Variants in PPP3CA observed in about 807,000 individuals in gnomAD.
The protein encoded by PPP3CA is CAM-PRP catalytic subunit.
Under a neutral mutation model 66.5 loss-of-function variants are expected in PPP3CA, and 14 were observed. That is an observed-to-expected ratio of 0.21 (90% CI 0.14 to 0.33). The LOEUF is 0.33. Among genes scored for constraint, PPP3CA ranks in the 10% least tolerant of loss-of-function variants. PPP3CA has a pLI of 1.00. For missense variants in PPP3CA, 317 were observed against 639.5 expected (o/e 0.50, Z 5.44); for synonymous variants, 232 against 226.2 (o/e 1.03, Z -0.23).
chr4:101,116,768 A>T (rs1305685991), intron 2 of PPP3CA, among the ~76,000 whole-genome samples: 3 of 151,980 alleles, frequency 2.0e-5, no homozygotes, highest in African/African-American at 7.2e-5. Flanking sequence ...CTAAAGAGGT[A>T]TATTTCAAAA....
chr4:101,098,540 A>G, intron 4 of PPP3CA, 28 bp from the exon 5 acceptor site: 1 of 1,563,272 alleles, frequency 6.4e-7, no homozygotes, highest in Non-Finnish European at 8.7e-7. Flanking sequence ...AAGAATACTT[A>G]TGATTTATAG....
At chr4:101,096,787 C>T (rs1410877343) in intron 5 of PPP3CA, among the ~76,000 whole-genome samples, 1 of 152,124 alleles carries the variant, frequency 6.6e-6, no homozygotes, top group Admixed American at 6.6e-5. Flanking sequence ...TACATGGATA[C>T]ATGAATAGAT....
chr4:101,189,162 C>T (rs940159547), intron 2 of PPP3CA, among the ~76,000 whole-genome samples: 2 of 151,922 alleles, frequency 1.3e-5, no homozygotes, highest in Non-Finnish European at 2.9e-5. Flanking sequence ...AAGATAACTG[C>T]TATGTAAATG....
intron 1 of PPP3CA, among the ~76,000 whole-genome samples, chr4:101,289,849 A>G (rs1034812762): frequency 2.0e-5 from 3 of 150,434 alleles, no homozygotes; most frequent in Non-Finnish European, 4.4e-5. Flanking sequence ...CAATATCACT[A>G]TAATCCCAAA....
chr4:101,281,219 G>A (rs1727673332), intron 1 of PPP3CA, among the ~76,000 whole-genome samples: 1 of 152,224 alleles, frequency 6.6e-6, no homozygotes. Flanking sequence ...AAGGAAGAAT[G>A]GGAGAAGAGC....
chr4:101,087,678 T>A (rs1729730845), intron 6 of PPP3CA, among the ~76,000 whole-genome samples: 1 of 152,168 alleles, frequency 6.6e-6, no homozygotes, highest in Non-Finnish European at 1.5e-5. Context: ...TGTATTTAGT[T>A]GTATAAATAT....
At chr4:101,178,485 C>T (rs1724134736) in intron 2 of PPP3CA, among the ~76,000 whole-genome samples, 1 of 151,984 alleles carries the variant, frequency 6.6e-6, no homozygotes, top group Non-Finnish European at 1.5e-5. Context: ...ATAATGTATT[C>T]TATCTAACAA....
chr4:101,059,831 G>A (rs979776591), intron 10 of PPP3CA, among the ~76,000 whole-genome samples: 2 of 152,000 alleles, frequency 1.3e-5, no homozygotes, highest in African/African-American at 2.4e-5. Flanking sequence ...CAAAGAATAG[G>A]TTTTTAATGC....
intron 2 of PPP3CA, among the ~76,000 whole-genome samples, chr4:101,146,531 C>T (rs556035654): frequency 1.8e-3 from 268 of 152,182 alleles, no homozygotes; most frequent in Non-Finnish European, 2.4e-3. Flanking sequence ...CAACCTCCGC[C>T]TCCTGGGTTC....
In PPP3CA at chr4:101,063,983, C is replaced by G. The variant is rs1350932906; in HGVS notation, c.956-626G>C. ...ATCATTTAGTTGTATTTGGAACATT[C>G]AATATTCTCCTTCCAGCTATTTGAA... On this transcript the variant is annotated intron_variant, in intron 8 of 13. Transcript: ENST00000394854. 2.6e-5 allele frequency among the ~76,000 whole-genome samples: 4 copies of G among 151,914 alleles called. 1 individual carries two copies. Among genetic ancestry groups the G allele is most frequent in the Non-Finnish European group, 5.9e-5 (4 of 67,908 alleles).
chr4:101,192,806 T>G (rs1724650996), intron 2 of PPP3CA, among the ~76,000 whole-genome samples: 1 of 152,228 alleles, frequency 6.6e-6, no homozygotes, highest in South Asian at 2.1e-4. Flanking sequence ...TTATAGTAAT[T>G]ATCTCTTTAT....
At chr4:101,196,800 T>C (rs1724808279) in intron 1 of PPP3CA, among the ~76,000 whole-genome samples, 1 of 152,204 alleles carries the variant, frequency 6.6e-6, no homozygotes, top group African/African-American at 2.4e-5. Flanking sequence ...TTGCTCAGGC[T>C]TGGAAGCAAT....
At chr4:101,263,621 T>C (rs375404427) in intron 1 of PPP3CA, among the ~76,000 whole-genome samples, 23 of 152,070 alleles carry the variant, frequency 1.5e-4, no homozygotes, top group Non-Finnish European at 2.9e-4. Context: ...TTACCATGAT[T>C]AATGGGAAAA....
intron 8 of PPP3CA, among the ~76,000 whole-genome samples, chr4:101,073,473 C>A (rs1729012669): frequency 6.6e-6 from 1 of 151,992 alleles, no homozygotes; most frequent in South Asian, 2.1e-4. Flanking sequence ...GACGGGGTTT[C>A]ACCATATTGG....
At chr4:101,270,894 T>C (rs1426922825) in intron 1 of PPP3CA, among the ~76,000 whole-genome samples, 1 of 152,194 alleles carries the variant, frequency 6.6e-6, no homozygotes, top group African/African-American at 2.4e-5. Context: ...TTTTAAGAAT[T>C]GTTCCATAAA....
chr4:101,173,214 G>A (rs1376772883), intron 2 of PPP3CA, among the ~76,000 whole-genome samples: 2 of 152,156 alleles, frequency 1.3e-5, no homozygotes, highest in Non-Finnish European at 2.9e-5. Flanking sequence ...ATGAGGGGGT[G>A]AGGGGTGTAA....
chr4:101,112,906 G>C (rs1048430477), intron 2 of PPP3CA, among the ~76,000 whole-genome samples: 5 of 152,042 alleles, frequency 3.3e-5, no homozygotes, highest in African/African-American at 1.2e-4. Context: ...AGACACTTGT[G>C]TGCCCAGGAG....
chr4:101,182,538 CT>C (rs1724273402), intron 2 of PPP3CA, among the ~76,000 whole-genome samples: 1 of 152,084 alleles, frequency 6.6e-6, no homozygotes, highest in African/African-American at 2.4e-5. Flanking sequence ...TCGGATGTAT[CT>C]CAAGTTAGAG....
intron 1 of PPP3CA, among the ~76,000 whole-genome samples, chr4:101,279,861 C>CA (rs576318473): frequency 3.6e-4 from 55 of 152,294 alleles, no homozygotes; most frequent in African/African-American, 1.3e-3. Flanking sequence ...AAAAGGCACA[C>CA]AATGGAAATC....
Sources: gnomAD v4.1 joint callset for allele counts (sites outside exome capture counted in the v4.1 genomes callset) on GRCh38, gnomAD v4.1.1 for gene constraint, MANE v1.5 for transcripts, NCBI Gene and HGNC (gene_info 2026-07-23, HGNC 2026-07-21) for gene names.